Variants in ABL1 observed in about 807,000 individuals in gnomAD.
ABL1 encodes tyrosine-protein kinase ABL1.
Under a neutral mutation model 94.7 loss-of-function variants are expected in ABL1, and 11 were observed. That is an observed-to-expected ratio of 0.12 (90% CI 0.07 to 0.19). The LOEUF (loss-of-function observed/expected upper bound fraction) is 0.19. Ranked by LOEUF, ABL1 falls within the 10% of genes least tolerant of loss-of-function variation. The pLI is 1.00. For synonymous variants in ABL1, 656 were observed against 622.4 expected (o/e 1.05, Z -0.80); for missense variants, 1,082 against 1,489.4 (o/e 0.73, Z 4.50).
intron 1 of ABL1, among the ~76,000 whole-genome samples, chr9:130,775,721 G>T (rs1449562622): frequency 6.6e-6 from 1 of 151,726 alleles, no homozygotes; most frequent in Non-Finnish European, 1.5e-5. Flanking sequence ...TTAGATTCAG[G>T]AATCAGAGCA....
upstream of ABL1, among the ~76,000 whole-genome samples, chr9:130,833,746 T>C (rs1407112724): frequency 2.0e-5 from 3 of 152,216 alleles, no homozygotes; most frequent in Non-Finnish European, 4.4e-5. Context: ...TGATATACAC[T>C]GGTTACATCC....
rs558651068 is a variant in ABL1, at chr9:130,738,453, T to C, written c.136+23998T>C. Among the ~76,000 whole-genome samples, 12 of 152,298 alleles carry C rather than the reference T, an allele frequency of 7.9e-5. 1 individual carries two copies. Among genetic ancestry groups the C allele is most frequent in the Admixed American group, 5.9e-4 (9 of 15,298 alleles). On this transcript the variant is annotated intron_variant, in intron 1 of 10. Transcript: ENST00000372348. The stretch of plus-strand genomic sequence containing the variant: ...TCTTGAAAAGCTCATTACAGGTAGT[T>C]GCTGGAATGAGATAGTTTGTGTGCA...
At chr9:130,737,319 G>C (rs775023303) in intron 1 of ABL1, among the ~76,000 whole-genome samples, 7 of 152,054 alleles carry the variant, frequency 4.6e-5, no homozygotes, top group Non-Finnish European at 7.4e-5. Context: ...CCAGGCTGGA[G>C]TGCAGTGGCG....
chr9:130,885,895 C>A lies in ABL1; in HGVS notation c.*212C>A. 3.2e-6 allele frequency: 2 copies of A among 617,302 alleles called. No individual in the cohort carries two copies. The allele number at this position is 617,302 out of a possible 1,614,324, so 38.2% of individuals were successfully genotyped here. A position where few individuals can be genotyped will look rare whatever the true frequency, so the allele number is the denominator to read the frequency against. On this transcript the variant is annotated 3_prime_UTR_variant, in exon 11 of 11. Transcript: ENST00000318560. ...TCCCGCACCTTCCTCCTCCCCGCTC[C>A]GTCTCTGTCCTCGAATTTTATCTGT...
At chr9:130,805,178 G>A (rs1830108391) in intron 1 of ABL1, among the ~76,000 whole-genome samples, 1 of 152,212 alleles carries the variant, frequency 6.6e-6, no homozygotes, top group Non-Finnish European at 1.5e-5. Flanking sequence ...CTGGGTTCAA[G>A]TGATTCTCCT....
intron 1 of ABL1, among the ~76,000 whole-genome samples, chr9:130,822,804 C>T (rs1300922804): frequency 6.8e-6 from 1 of 147,846 alleles, no homozygotes; most frequent in East Asian, 2.0e-4. Flanking sequence ...GGTACAAGTT[C>T]TTTTTTTTTT....
chr9:130,729,554 C>A (rs897278111), intron 1 of ABL1, among the ~76,000 whole-genome samples: 2 of 152,198 alleles, frequency 1.3e-5, no homozygotes, highest in Non-Finnish European at 2.9e-5. Context: ...AAGCAACATG[C>A]AACTTACCTT....
chr9:130,793,447 C>A (rs1353535301), intron 1 of ABL1, among the ~76,000 whole-genome samples: 1 of 152,168 alleles, frequency 6.6e-6, no homozygotes, highest in East Asian at 1.9e-4. Flanking sequence ...GGTATCCATA[C>A]TAATCAGGAT....
intron 1 of ABL1, among the ~76,000 whole-genome samples, chr9:130,755,080 T>C (rs1832025956): frequency 6.6e-6 from 1 of 152,194 alleles, no homozygotes; most frequent in Non-Finnish European, 1.5e-5. Flanking sequence ...TCCACAAAAG[T>C]GTCCTGAGCG....
In ABL1 at chr9:130,885,760, G is replaced by T; in HGVS notation, c.*77G>T. 1 of 1,508,306 alleles carries T rather than the reference G, an allele frequency of 6.6e-7. No individual in the cohort carries two copies. The highest frequency in any genetic ancestry group is 1.3e-5 in the South Asian group (1 of 74,508). 93.4% of individuals were successfully genotyped at this position (1,508,306 alleles called of 1,614,324 possible). A position where few individuals can be genotyped will look rare whatever the true frequency, so the allele number is the denominator to read the frequency against. On this transcript the variant is annotated 3_prime_UTR_variant, in exon 11 of 11. Transcript: ENST00000318560. ...CGGGCTCGCCCATACCCGTGACAGTGGCTGACAAGGGACTAGTGAGTCAGC... is the reference window on the plus strand; with the variant it reads ...CGGGCTCGCCCATACCCGTGACAGTTGCTGACAAGGGACTAGTGAGTCAGC...
chr9:130,774,695 A>ACAAT (rs1249358437), intron 1 of ABL1, among the ~76,000 whole-genome samples: 1 of 151,974 alleles, frequency 6.6e-6, no homozygotes, highest in African/African-American at 2.4e-5. Flanking sequence ...AAACAAACAA[A>ACAAT]ATTAGCCAGG....
At position 130,814,328 on chromosome 9, in the gene ABL1, G is replaced by A. The variant is rs1830254815; in HGVS notation, c.137-39736G>A. 6.6e-6 allele frequency among the ~76,000 whole-genome samples: 1 copy of A among 151,956 alleles called. No homozygotes were observed. Among genetic ancestry groups the A allele is most frequent in the African/African-American group, 2.4e-5 (1 of 41,402 alleles). ...AGAAAGAAAAAGAAAAGGCCAGTCT[G>A]GAAATCAATGAAACAGAAAACCAGT... On this transcript the variant is annotated intron_variant, in intron 1 of 10. Coordinates refer to the ABL1 transcript ENST00000372348. This position sits in a 1 kb window ranked among gnomAD's most constrained non-coding sequence, Gnocchi z 4.4.
At chr9:130,769,086 C>T (rs1832220196) in intron 1 of ABL1, among the ~76,000 whole-genome samples, 1 of 152,086 alleles carries the variant, frequency 6.6e-6, no homozygotes, top group African/African-American at 2.4e-5. Flanking sequence ...CTTTATTTCA[C>T]ATACATCTGT....
chr9:130,841,878 A>G (rs1017259261), intron 1 of ABL1, among the ~76,000 whole-genome samples: 6 of 149,240 alleles, frequency 4.0e-5, no homozygotes, highest in African/African-American at 1.5e-4. Flanking sequence ...TTTTTGTTAT[A>G]TTGCGTGTGT....
Position 130,885,766 on chromosome 9 carries a change from C to T in ABL1, c.*83C>T. On this transcript the variant is annotated 3_prime_UTR_variant, in exon 11 of 11. Coordinates refer to ENST00000318560, the MANE Select transcript of ABL1 (RefSeq NM_005157.6). ...CGCCCATACCCGTGACAGTGGCTGA[C>T]AAGGGACTAGTGAGTCAGCACCTTG... 1 of 1,500,690 alleles carries T rather than the reference C, an allele frequency of 6.7e-7. No individual in the cohort carries two copies. 93.0% of individuals were successfully genotyped at this position (1,500,690 alleles called of 1,614,324 possible).
At chr9:130,809,002 G>A (rs1042104708) in intron 1 of ABL1, among the ~76,000 whole-genome samples, 21 of 152,270 alleles carry the variant, frequency 1.4e-4, no homozygotes, top group South Asian at 2.1e-4. Context: ...TTTCCAGACC[G>A]CGGTGCGGGG....
At position 130,884,860 on chromosome 9, in the gene ABL1, C is replaced by T; in HGVS notation, c.2570C>T (p.Ala857Val). 2 of 1,605,584 alleles carry T rather than the reference C, an allele frequency of 1.2e-6. No individual in the cohort carries two copies. Among genetic ancestry groups the T allele is most frequent in the Non-Finnish European group, 1.7e-6 (2 of 1,175,754 alleles). Residue 857 changes from alanine to valine, a missense_variant, in exon 11 of 11, where the codon GCA becomes GTA. Ala to Val is a moderately conservative substitution (Grantham distance 64). Around this residue, in one of 7 missense-constraint regions of ABL1, gnomAD observed 780 missense variants for 835.8 expected, o/e 0.93. Transcript: ENST00000318560. This position sits in a 1 kb window ranked among gnomAD's most constrained non-coding sequence, Gnocchi z 5.6. The stretch of plus-strand genomic sequence containing the variant: ...GAGCCAGTGACCCCCACCAGCAAAG[C>T]AGGCTCAGGTGCACCAGGGGGCACC... ...AAEPVTPTSKAGSGAPGGTSK... is the reference protein window; with the variant it reads ...AAEPVTPTSKVGSGAPGGTSK...
intron 1 of ABL1, among the ~76,000 whole-genome samples, chr9:130,720,770 T>C (rs536849117): frequency 6.6e-6 from 1 of 152,254 alleles, no homozygotes; most frequent in South Asian, 2.1e-4. Flanking sequence ...AGAGTGATGA[T>C]GCTTGGACCA....
Position 130,785,929 on chromosome 9 carries a change from A to G in ABL1, c.137-68135A>G, listed in dbSNP as rs909134511. On this transcript the variant is annotated intron_variant, in intron 1 of 10. Transcript: ENST00000372348. ...CATTCTGGAACTCTGTCTCAAAACT[A>G]AAAAAAAAAAAAAAAAAAAAAAAAA... Among the ~76,000 whole-genome samples, 71 of 88,100 alleles carry G rather than the reference A, an allele frequency of 8.1e-4. 1 individual carries two copies. Among genetic ancestry groups the G allele is most frequent in the African/African-American group, 3.8e-3 (66 of 17,524 alleles). 57.8% of individuals were successfully genotyped at this position (88,100 alleles called of 152,430 possible). A position where few individuals can be genotyped will look rare whatever the true frequency, so the allele number is the denominator to read the frequency against.
Sources: allele counts gnomAD v4.1 joint callset (sites outside exome capture counted in the v4.1 genomes callset), GRCh38; gene constraint gnomAD v4.1.1; regional missense constraint gnomAD v4.1.1; non-coding constraint Gnocchi (gnomAD v3.1); transcripts MANE v1.5; gene names NCBI Gene and HGNC (gene_info 2026-07-23, HGNC 2026-07-21).